B3GALT1: variants seen among roughly 807,000 people sequenced by gnomAD.
The protein encoded by B3GALT1 is beta-1,3-galactosyltransferase 1, also known as UDP-Gal:betaGlcNAc beta 1,3-galactosyltransferase, polypeptide 1.
In B3GALT1, 10 loss-of-function variants were observed where a neutral mutation model predicts 23.2. That is an observed-to-expected ratio of 0.43 (90% CI 0.27 to 0.73). The LOEUF (loss-of-function observed/expected upper bound fraction) is 0.73, where lower values mean the gene tolerates loss of function less well. B3GALT1 is among the 30% of genes least tolerant of loss of function. The probability of loss-of-function intolerance (pLI) is 0.21; values close to 1 mark genes in which losing one functional copy is unlikely to be tolerated. For synonymous variants in B3GALT1, 156 were observed against 141.5 expected, an observed-to-expected ratio of 1.10 and a Z score of -0.73; for missense variants, 299 against 405.4, an observed-to-expected ratio of 0.74 and a Z score of 2.25.
intron 1 of B3GALT1, among the ~76,000 whole-genome samples, chr2:167,463,657 G>T (rs1276016085): frequency 6.6e-6 from 1 of 152,128 alleles, no homozygotes; most frequent in Non-Finnish European, 1.5e-5. Flanking sequence ...AACTTTGATG[G>T]ATTTCAGTGC....
At chr2:167,804,192 G>A (rs972413685) in intron 3 of B3GALT1, among the ~76,000 whole-genome samples, 12 of 152,128 alleles carry the variant, frequency 7.9e-5, no homozygotes, top group African/African-American at 2.9e-4. Context: ...ATTTCACCAC[G>A]TTGCCCAGGC....
intron 2 of B3GALT1, among the ~76,000 whole-genome samples, chr2:167,576,545 G>GT (rs533383227): frequency 0.051 from 4,967 of 98,064 alleles, 128 homozygotes; most frequent in African/African-American, 0.12. Flanking sequence ...TTTTTTTTTT[G>GT]TTTTTTTTTC....
intron 1 of B3GALT1, among the ~76,000 whole-genome samples, chr2:167,447,687 T>C (rs189683467): frequency 6.6e-6 from 1 of 152,248 alleles, no homozygotes; most frequent in Non-Finnish European, 1.5e-5. Flanking sequence ...TCTCCTGGTG[T>C]GCCGTTTGCT....
At chr2:167,837,955 A>G (rs1168670465) in intron 4 of B3GALT1, among the ~76,000 whole-genome samples, 1 of 152,212 alleles carries the variant, frequency 6.6e-6, no homozygotes, top group Non-Finnish European at 1.5e-5. Context: ...GAAGGCAGAC[A>G]TAAAGATGTT....
intron 2 of B3GALT1, among the ~76,000 whole-genome samples, chr2:167,634,102 A>G (rs1685507305): frequency 6.6e-6 from 1 of 152,070 alleles, no homozygotes; most frequent in African/African-American, 2.4e-5. Context: ...ACTACTGGCT[A>G]AATAAATAAC....
chr2:167,439,172 C>A (rs1309549934), intron 1 of B3GALT1, among the ~76,000 whole-genome samples: 1 of 152,104 alleles, frequency 6.6e-6, no homozygotes, highest in African/African-American at 2.4e-5. Context: ...TTCTTTGATA[C>A]CTGACATAGT....
intron 4 of B3GALT1, among the ~76,000 whole-genome samples, chr2:167,839,738 A>G (rs1375639006): frequency 6.6e-6 from 1 of 152,216 alleles, no homozygotes; most frequent in African/African-American, 2.4e-5. Flanking sequence ...CTAAGCCAAA[A>G]GAACAAAGCT....
intron 1 of B3GALT1, among the ~76,000 whole-genome samples, chr2:167,303,936 T>G (rs967678583): frequency 1.3e-5 from 2 of 152,004 alleles, no homozygotes; most frequent in African/African-American, 4.8e-5. Flanking sequence ...GAAAGGATGC[T>G]TTCACTGGGT....
chr2:167,547,392 A>G (rs1683656830), intron 2 of B3GALT1, among the ~76,000 whole-genome samples: 1 of 152,176 alleles, frequency 6.6e-6, no homozygotes, highest in African/African-American at 2.4e-5. Context: ...AAGAAGTTAA[A>G]TGATTTGTTA....
At chr2:167,801,789 G>A (rs540955929) in intron 3 of B3GALT1, among the ~76,000 whole-genome samples, 2 of 152,308 alleles carry the variant, frequency 1.3e-5, no homozygotes, top group South Asian at 2.1e-4. Flanking sequence ...GACAACATTT[G>A]TGGGGAAAGA....
Position 167,389,811 on chromosome 2 carries a change from C to A in B3GALT1, c.-511+96477C>A, listed in dbSNP as rs73021739. ...CCTATAGTCCCAGTGCTTTGGGAGG[C>A]CAAGGCTGGGGGATTGCTTGAGCCA... On this transcript the variant is annotated intron_variant, in intron 1 of 4. Coordinates refer to ENST00000392690, the MANE Select transcript of B3GALT1 (RefSeq NM_020981.4). Among the ~76,000 whole-genome samples, 1,247 of 150,394 alleles carry A rather than the reference C, an allele frequency of 8.3e-3. 24 individuals are homozygous for A. The highest frequency in any genetic ancestry group is 0.029 in the African/African-American group (1,186 of 40,948).
intron 4 of B3GALT1, among the ~76,000 whole-genome samples, chr2:167,844,438 A>G (rs1689713427): frequency 6.6e-6 from 1 of 152,218 alleles, no homozygotes. Context: ...CAACTGCGGT[A>G]GTGGGAAAGG....
chr2:167,471,567 G>A (rs899003624), intron 1 of B3GALT1, among the ~76,000 whole-genome samples: 1 of 152,080 alleles, frequency 6.6e-6, no homozygotes, highest in African/African-American at 2.4e-5. Context: ...GCTACAGGGT[G>A]TCTAACACCT....
intron 1 of B3GALT1, among the ~76,000 whole-genome samples, chr2:167,475,936 C>T (rs1189382797): frequency 6.6e-6 from 1 of 152,120 alleles, no homozygotes; most frequent in Non-Finnish European, 1.5e-5. Flanking sequence ...CAAATCTCTG[C>T]CTTTATTGTC....
chr2:167,487,819 T>TA (rs543347419), intron 1 of B3GALT1, among the ~76,000 whole-genome samples: 148 of 152,302 alleles, frequency 9.7e-4, no homozygotes, highest in African/African-American at 3.3e-3. Context: ...GTATATCAAA[T>TA]ACTGCACCTG....
Position 167,512,637 on chromosome 2 carries a change from C to CGT in B3GALT1, c.-410+22360_-410+22361insGT, listed in dbSNP as rs1370092531. Among the ~76,000 whole-genome samples the CGT allele has an allele frequency of 1.7e-4, 11 of 64,938 alleles. 2 individuals are homozygous for CGT. Among genetic ancestry groups the CGT allele is most frequent in the East Asian group, 2.2e-3 (2 of 928 alleles). The allele number at this position is 64,938 out of a possible 152,430, so 42.6% of individuals were successfully genotyped here. A position where few individuals can be genotyped will look rare whatever the true frequency, so the allele number is the denominator to read the frequency against. ...ATATATATACGTGTATATATATATA[C>CGT]ATATATATATATATTTTGAGATAGG... On this transcript the variant is annotated intron_variant, in intron 2 of 4. Coordinates refer to ENST00000392690, the MANE Select transcript of B3GALT1 (RefSeq NM_020981.4).
At position 167,636,094 on chromosome 2, in the gene B3GALT1, T is replaced by C. The variant is rs964409079; in HGVS notation, c.-409-10815T>C. On this transcript the variant is annotated intron_variant, in intron 2 of 4. Coordinates refer to ENST00000392690, the MANE Select transcript of B3GALT1 (RefSeq NM_020981.4). ...CGACAAAAACCTACCTCATCTTTTC[T>C]AAAGAGATTAAAAAAGAAATTGAAC... Among the ~76,000 whole-genome samples the C allele has an allele frequency of 2.6e-5, 4 of 151,740 alleles. No individual in the cohort carries two copies. The East Asian group carries it at 7.8e-4, about 30-fold the overall frequency.
intron 3 of B3GALT1, among the ~76,000 whole-genome samples, chr2:167,651,503 C>T (rs1685866775): frequency 6.6e-6 from 1 of 152,092 alleles, no homozygotes; most frequent in African/African-American, 2.4e-5. Context: ...GTTGTTTCTT[C>T]ATTCAGAGAG....
At chr2:167,370,876 A>C (rs1697673530) in intron 1 of B3GALT1, among the ~76,000 whole-genome samples, 2 of 152,162 alleles carry the variant, frequency 1.3e-5, no homozygotes, top group Admixed American at 1.3e-4. Flanking sequence ...CAGTGAGCTG[A>C]GATCACGCCA....
Sources: gnomAD v4.1 joint callset for allele counts (sites outside exome capture counted in the v4.1 genomes callset) on GRCh38, gnomAD v4.1.1 for gene constraint, MANE v1.5 for transcripts, NCBI Gene and HGNC (gene_info 2026-07-23, HGNC 2026-07-21) for gene names.